Variants in CPSF7 observed in about 807,000 individuals in gnomAD.
CPSF7 encodes the protein cleavage and polyadenylation specificity factor subunit 7.
In CPSF7, 1 loss-of-function variant was observed where a neutral mutation model predicts 44.3. That is an observed-to-expected ratio of 0.02 (90% CI 0.01 to 0.11). The LOEUF (loss-of-function observed/expected upper bound fraction) is 0.11. CPSF7 is among the 10% of genes least tolerant of loss of function. CPSF7 has a pLI of 1.00. For missense variants in CPSF7, 443 were observed against 607.2 expected, an observed-to-expected ratio of 0.73 and a Z score of 2.84; for synonymous variants, 202 against 222.0, an observed-to-expected ratio of 0.91 and a Z score of 0.80.
intron 9 of CPSF7, among the ~76,000 whole-genome samples, chr11:61,409,381 G>A (rs1289314019): frequency 6.6e-6 from 1 of 151,630 alleles, no homozygotes; most frequent in East Asian, 2.0e-4. Flanking sequence ...CTGAGGCAGA[G>A]AATTGCTTGA....
chr11:61,418,803 C>A (rs1193421606), intron 5 of CPSF7, among the ~76,000 whole-genome samples: 1 of 151,982 alleles, frequency 6.6e-6, no homozygotes, highest in African/African-American at 2.4e-5. Context: ...ACTGCAACCT[C>A]CACCTCCTGG....
chr11:61,409,252 T>A (rs188682584), intron 9 of CPSF7, among the ~76,000 whole-genome samples: 3 of 151,764 alleles, frequency 2.0e-5, no homozygotes, highest in Non-Finnish European at 4.4e-5. Flanking sequence ...GTCAGGTGGA[T>A]CACGAGGTCA....
chr11:61,421,554 C>T lies in CPSF7; in HGVS notation c.109G>A (p.Ala37Thr). ...CTGTCATCTGAGGGCTGTGAGGTGG[C>T]TGTCAGCACATCATCATACAGGTCA... ...QIDLYDDVLTATSQPSDDRSS... is the reference protein window; with the variant it reads ...QIDLYDDVLTTTSQPSDDRSS... Residue 37 changes from alanine to threonine, a missense_variant, in exon 3 of 10, where the codon GCC (alanine) becomes ACC (threonine). Ala to Thr is a moderately conservative substitution (Grantham distance 58, BLOSUM62 0). Transcript: ENST00000439958. 6.2e-7 allele frequency: 1 copy of T among 1,614,058 alleles called. No individual in the cohort carries two copies. The highest frequency in any genetic ancestry group is 8.5e-7 in the Non-Finnish European group (1 of 1,180,030).
intron 9 of CPSF7, among the ~76,000 whole-genome samples, chr11:61,409,301 G>A (rs746080678): frequency 6.6e-6 from 1 of 151,850 alleles, no homozygotes; most frequent in East Asian, 1.9e-4. Context: ...ATGAAACCCC[G>A]TCTCTACTGA....
rs115251370 is a variant in CPSF7, at chr11:61,406,672, T to C, written c.*6-1968A>G. Reference sequence around the variant, plus strand: ...ATGACTGTTTTCTAGGCAATATTGTTACAGCATTTTCAAAGTTACCAAAAG... The same window carrying C: ...ATGACTGTTTTCTAGGCAATATTGTCACAGCATTTTCAAAGTTACCAAAAG... On this transcript the variant is annotated intron_variant, in intron 9 of 9. Transcript: ENST00000439958. Among the ~76,000 whole-genome samples the C allele has an allele frequency of 2.3e-3, 347 of 152,340 alleles. 1 individual carries two copies. The highest frequency in any genetic ancestry group is 7.9e-3 in the African/African-American group (328 of 41,564).
At chr11:61,412,581 G>A (rs914871072) in intron 7 of CPSF7, among the ~76,000 whole-genome samples, 1 of 152,128 alleles carries the variant, frequency 6.6e-6, no homozygotes, top group Non-Finnish European at 1.5e-5. Flanking sequence ...GAGCCACTGC[G>A]CCCGGCCAGT....
chr11:61,409,140 G>T (rs1291174361), intron 9 of CPSF7, among the ~76,000 whole-genome samples: 1 of 151,238 alleles, frequency 6.6e-6, no homozygotes, highest in African/African-American at 2.4e-5. Context: ...GTGAGACAAT[G>T]TGTCTATTAA....
At chr11:61,410,676 A>G (rs1459262476) in intron 9 of CPSF7, 1 of 300,214 alleles carries the variant, frequency 3.3e-6, no homozygotes, top group Non-Finnish European at 6.1e-6. Flanking sequence ...CTGGGATTCA[A>G]ATTGGTACCT....
intron 9 of CPSF7, among the ~76,000 whole-genome samples, chr11:61,407,022 C>T (rs780739072): frequency 6.6e-6 from 1 of 152,190 alleles, no homozygotes; most frequent in Non-Finnish European, 1.5e-5. Context: ...CTGCCCCTCT[C>T]GGCCTCCCAA....
In CPSF7 at chr11:61,416,448, G is replaced by A. The variant is rs1041606507; in HGVS notation, c.595C>T (p.Leu199Phe). The change falls in exon 6 of 10, where the codon CTT becomes TTT. Residue 199 changes from leucine to phenylalanine, a missense_variant. Coordinates refer to ENST00000439958, the MANE Select transcript of CPSF7 (RefSeq NM_001142565.3). Reference sequence around the variant, plus strand: ...TCCACACGAGCAGATGAGGGTACAAGGTTCTCAGAGGGTGTGGCCCGTCCA... The same window carrying A: ...TCCACACGAGCAGATGAGGGTACAAAGTTCTCAGAGGGTGTGGCCCGTCCA... ...ADGRATPSEN[L>F]VPSSARVDKP... 6 of 1,614,008 alleles carry A rather than the reference G, an allele frequency of 3.7e-6. No homozygotes were observed. In the African/African-American group the frequency reaches 6.7e-5, roughly 18 times the overall value.
intron 2 of CPSF7, among the ~76,000 whole-genome samples, chr11:61,428,677 G>A (rs771376801): frequency 3.3e-5 from 5 of 152,178 alleles, no homozygotes; most frequent in Non-Finnish European, 4.4e-5. Context: ...CATGACTGGA[G>A]TCAACCTACT....
At chr11:61,420,618 C>A (rs1461620891) in intron 3 of CPSF7, 45 bp from the exon 4 acceptor site, 4 of 1,452,852 alleles carry the variant, frequency 2.8e-6, no homozygotes, top group Non-Finnish European at 2.9e-6. Flanking sequence ...AAGAGCTACA[C>A]CCCCGCCCGC....
intron 1 of CPSF7, 149 bp from the exon 2 acceptor site, chr11:61,429,439 G>A (rs1861728045): frequency 2.1e-6 from 1 of 486,276 alleles, no homozygotes; most frequent in East Asian, 3.9e-5. Flanking sequence ...CCCCGGCCTC[G>A]CGCCGCCCAC....
In CPSF7 at chr11:61,416,468, C is replaced by T. The variant is rs756216467; in HGVS notation, c.575G>A (p.Arg192Gln). The T allele has an allele frequency of 6.2e-6, 10 of 1,613,918 alleles. No homozygotes were observed. The highest frequency in any genetic ancestry group is 1.3e-5 in the African/African-American group (1 of 74,854). ...SRDSSDSADG[R>Q]ATPSENLVPS... Reference sequence around the variant, plus strand: ...TACAAGGTTCTCAGAGGGTGTGGCCCGTCCATCAGCAGAATCACTAGAATC... The same window carrying T: ...TACAAGGTTCTCAGAGGGTGTGGCCTGTCCATCAGCAGAATCACTAGAATC... The change falls in exon 6 of 10, where the codon CGG becomes CAG. Residue 192 changes from arginine to glutamine, a missense_variant. Arg to Gln is a conservative substitution (Grantham distance 43, BLOSUM62 1). Coordinates refer to ENST00000439958, the MANE Select transcript of CPSF7 (RefSeq NM_001142565.3).
Position 61,421,497 on chromosome 11 carries a change from G to T in CPSF7, c.166C>A (p.Arg56Ser). 7 of 1,614,042 alleles carry T rather than the reference G, an allele frequency of 4.3e-6. No homozygotes were observed. Among genetic ancestry groups the T allele is most frequent in the Non-Finnish European group, 5.9e-6 (7 of 1,179,938 alleles). ...TTGGGCTTGGGAGATGGCTCCTGGCGAACAGGAGGAGGTGGTTCAGTGCTG... is the reference window on the plus strand; with the variant it reads ...TTGGGCTTGGGAGATGGCTCCTGGCTAACAGGAGGAGGTGGTTCAGTGCTG... ...SSSTEPPPPV[R>S]QEPSPKPNNK... is the part of the protein sequence containing the mutation. Residue 56 changes from arginine to serine, a missense_variant, in exon 3 of 10, where the codon CGC becomes AGC. Coordinates refer to ENST00000439958, the MANE Select transcript of CPSF7 (RefSeq NM_001142565.3).
At position 61,403,371 on chromosome 11, in the gene CPSF7, T is replaced by C. The variant is rs1197626562; in HGVS notation, c.*1339A>G. Reference sequence around the variant, plus strand: ...ATCACCCCATGGGTACCGCAGGACCTCGCTGCTGCCTCCTCCTTCAGCAGC... The same window carrying C: ...ATCACCCCATGGGTACCGCAGGACCCCGCTGCTGCCTCCTCCTTCAGCAGC... On this transcript the variant is annotated 3_prime_UTR_variant, in exon 10 of 10. Transcript: ENST00000439958. 1 of 152,212 alleles carries C rather than the reference T, an allele frequency of 6.6e-6. No homozygotes were observed. The highest frequency in any genetic ancestry group is 2.4e-5 in the African/African-American group (1 of 41,450). 9.4% of individuals were successfully genotyped at this position (152,212 alleles called of 1,614,324 possible). A position where few individuals can be genotyped will look rare whatever the true frequency, so the allele number is the denominator to read the frequency against.
In CPSF7 at chr11:61,416,133, C is replaced by T; in HGVS notation, c.910G>A (p.Ala304Thr). 1 of 1,508,394 alleles carries T rather than the reference C, an allele frequency of 6.6e-7. No homozygotes were observed. Among genetic ancestry groups the T allele is most frequent in the South Asian group, 1.4e-5 (1 of 73,394 alleles). The allele number at this position is 1,508,394 out of a possible 1,614,324, so 93.4% of individuals were successfully genotyped here. ...VGPPPDTYMK[A>T]SAPYNHHGSR... The stretch of plus-strand genomic sequence containing the variant: ...CCATGGTGGTTATAGGGGGCAGAGG[C>T]CTTCATGTAAGTATCTGGTGGAGGC... Residue 304 changes from alanine (A) to threonine (T), a missense_variant, in exon 6 of 10, where the codon GCC (alanine) becomes ACC (threonine). By Grantham distance (58) the Ala-to-Thr change is moderately conservative. Transcript: ENST00000439958.
At chr11:61,421,244 G>T in intron 3 of CPSF7, 146 bp downstream of exon 3, 1 of 1,013,830 alleles carries the variant, frequency 9.9e-7, no homozygotes, top group Non-Finnish European at 1.5e-6. Flanking sequence ...TTCTCTTTCA[G>T]AGATCAATCC....
chr11:61,405,360 G>A (rs1460718359), intron 9 of CPSF7, among the ~76,000 whole-genome samples: 1 of 152,152 alleles, frequency 6.6e-6, no homozygotes, highest in African/African-American at 2.4e-5. Context: ...TAAAACTCGA[G>A]ATTTTAAGTC....
Sources: allele counts gnomAD v4.1 joint callset (sites outside exome capture counted in the v4.1 genomes callset), GRCh38; gene constraint gnomAD v4.1.1; transcripts MANE v1.5; gene names NCBI Gene and HGNC (gene_info 2026-07-23, HGNC 2026-07-21).